PLEKHA5: variants seen among roughly 807,000 people sequenced by gnomAD.
PLEKHA5 encodes the protein pleckstrin homology domain containing A5.
PLEKHA5 carries 55 observed loss-of-function variants against 181.9 expected under a neutral mutation model. The ratio of observed to expected loss-of-function variants is 0.30; its 90% CI spans 0.24 to 0.38. The LOEUF (loss-of-function observed/expected upper bound fraction) is 0.38, where lower values mean the gene tolerates loss of function less well. Ranked by LOEUF, PLEKHA5 falls within the 10% of genes least tolerant of loss-of-function variation. The pLI, the probability that PLEKHA5 is intolerant of heterozygous loss-of-function variation, is 1.00. For synonymous variants in PLEKHA5, 535 were observed against 529.4 expected, an observed-to-expected ratio of 1.01 and a Z score of -0.15; for missense variants, 1,432 against 1,549.5, an observed-to-expected ratio of 0.92 and a Z score of 1.27.
At chr12:19,283,122 G>A (rs192918703) in intron 11 of PLEKHA5, among the ~76,000 whole-genome samples, 158 bp from the exon 12 acceptor site, 49 of 129,106 alleles carry the variant, frequency 3.8e-4, no homozygotes, top group Non-Finnish European at 6.9e-4. Context: ...ACTCCAGCTT[G>A]GGCAACAGAG....
At chr12:19,364,032 A>G (rs546587982) in intron 29 of PLEKHA5, among the ~76,000 whole-genome samples, 1 of 152,352 alleles carries the variant, frequency 6.6e-6, no homozygotes, top group East Asian at 1.9e-4. Flanking sequence ...GTTCATAATG[A>G]TACAACAACA....
At chr12:19,283,781 CT>C in intron 12 of PLEKHA5, 36 bp downstream of exon 12, 1 of 1,269,210 alleles carries the variant, frequency 7.9e-7, no homozygotes, top group Non-Finnish European at 1.1e-6. Context: ...AACTCACTAC[CT>C]TATAAATGCT....
intron 3 of PLEKHA5, among the ~76,000 whole-genome samples, chr12:19,158,831 AG>A (rs2042349774): frequency 1.3e-5 from 2 of 152,212 alleles, no homozygotes; most frequent in Admixed American, 6.5e-5. Flanking sequence ...TTCTTACTGT[AG>A]TAAATTGGGT....
rs957436305 is a variant in PLEKHA5 at position 19,369,693 on chromosome 12, T to C, written c.3755T>C (p.Val1252Ala). 1.3e-6 allele frequency: 2 copies of C among 1,596,360 alleles called. No individual in the cohort carries two copies. The highest frequency in any genetic ancestry group is 2.7e-5 in the African/African-American group (2 of 74,278). ...CTCCCATTTTCTTTGTGTGTTTTAG[T>C]GAAAAGTCTGTCCCCATCTCCTGAG... ...EVSRGNQTMA[V>A]KSLSPSPESS... Residue 1252 changes from valine (V) to alanine (A), a missense_variant and splice_region_variant, in exon 31 of 32, where the codon GTG (valine) becomes GCG (alanine). Around this residue, in one of 2 missense-constraint regions of PLEKHA5, gnomAD observed 1,143 missense variants for 1,168.4 expected, o/e 0.98. Coordinates refer to ENST00000429027, the MANE Select transcript of PLEKHA5 (RefSeq NM_001256470.2).
chr12:19,319,167 C>G (rs2089981786), intron 16 of PLEKHA5, among the ~76,000 whole-genome samples: 2 of 152,054 alleles, frequency 1.3e-5, no homozygotes, highest in South Asian at 4.1e-4. Flanking sequence ...CCTGAGGATA[C>G]TTATTTTGAA....
intron 3 of PLEKHA5, among the ~76,000 whole-genome samples, chr12:19,235,744 CAT>C (rs1327973638): frequency 6.6e-6 from 1 of 152,038 alleles, no homozygotes. Flanking sequence ...TGTGAATAGG[CAT>C]ATGAAGAAAG....
rs543246133 is a variant in PLEKHA5 at position 19,302,547 on chromosome 12, C to G, written c.2037+10850C>G. On this transcript the variant is annotated intron_variant, in intron 15 of 31. Coordinates refer to ENST00000429027, the MANE Select transcript of PLEKHA5 (RefSeq NM_001256470.2). The stretch of plus-strand genomic sequence containing the variant: ...AGTAGCTAGGATTACAGGCGCCCAC[C>G]ACCACACCCAGCTAATTTTGGTATT... Among the ~76,000 whole-genome samples, 17 of 152,224 alleles carry G rather than the reference C, an allele frequency of 1.1e-4. No individual in the cohort carries two copies. The East Asian group carries it at 2.3e-3, about 21-fold the overall frequency.
chr12:19,197,676 C>CTGTG (rs3056412), intron 3 of PLEKHA5, among the ~76,000 whole-genome samples: 1,713 of 111,004 alleles, frequency 0.015, 34 homozygotes, highest in African/African-American at 0.017. Context: ...CTATCCGGTG[C>CTGTG]TGTGTGTGTG....
intron 20 of PLEKHA5, among the ~76,000 whole-genome samples, chr12:19,334,574 C>T (rs1370531348): frequency 6.6e-6 from 1 of 151,850 alleles, no homozygotes. Context: ...AATTTACTCT[C>T]CCTAAAGCCA....
chr12:19,159,606 A>G (rs1412224756), intron 3 of PLEKHA5, among the ~76,000 whole-genome samples: 1 of 152,138 alleles, frequency 6.6e-6, no homozygotes, highest in African/African-American at 2.4e-5. Context: ...ACTTAGTTCC[A>G]AAATAATATT....
chr12:19,360,757 C>T (rs1191183832), intron 28 of PLEKHA5, among the ~76,000 whole-genome samples: 2 of 94,126 alleles, frequency 2.1e-5, no homozygotes, highest in African/African-American at 5.6e-5. Flanking sequence ...TAGCAATATG[C>T]ACCATCTCTT....
intron 16 of PLEKHA5, chr12:19,319,647 G>A (rs545456766): frequency 3.4e-5 from 6 of 178,402 alleles, no homozygotes; most frequent in Non-Finnish European, 7.0e-5. Flanking sequence ...TTTCTACTGT[G>A]TTTTTGTTAT....
At chr12:19,341,665 G>GT (rs994855834) in intron 21 of PLEKHA5, among the ~76,000 whole-genome samples, 4 of 151,818 alleles carry the variant, frequency 2.6e-5, no homozygotes, top group Admixed American at 6.6e-5. Context: ...CTTTTCTTGA[G>GT]TTTTTTCTTT....
At chr12:19,181,787 G>C (rs2048658122) in intron 3 of PLEKHA5, among the ~76,000 whole-genome samples, 1 of 151,952 alleles carries the variant, frequency 6.6e-6, no homozygotes, top group Non-Finnish European at 1.5e-5. Context: ...CTCAAAAAAA[G>C]CCCCTTAGAG....
intron 3 of PLEKHA5, among the ~76,000 whole-genome samples, chr12:19,203,292 T>TA (rs1423147200): frequency 6.6e-6 from 1 of 152,070 alleles, no homozygotes; most frequent in Non-Finnish European, 1.5e-5. Flanking sequence ...GTCTGTCTCT[T>TA]AGAGTTGACT....
intron 13 of PLEKHA5, among the ~76,000 whole-genome samples, chr12:19,287,814 C>T (rs2077535719): frequency 6.6e-6 from 1 of 152,174 alleles, no homozygotes; most frequent in African/African-American, 2.4e-5. Flanking sequence ...CACGGTGGCT[C>T]ATGCCTGTAA....
At chr12:19,364,909 C>G (rs555590332) in intron 29 of PLEKHA5, among the ~76,000 whole-genome samples, 11 of 152,220 alleles carry the variant, frequency 7.2e-5, no homozygotes, top group African/African-American at 1.9e-4. Context: ...ATGATCCTGC[C>G]TTGGCCTCTC....
intron 5 of PLEKHA5, 58 bp from the exon 6 acceptor site, chr12:19,257,374 TA>T: frequency 1.3e-6 from 1 of 754,614 alleles, no homozygotes; most frequent in Non-Finnish European, 2.2e-6. Flanking sequence ...AAGAGGAAGA[TA>T]AGCTCAAATC....
chr12:19,269,734 A>C (rs768111099), intron 8 of PLEKHA5, 36 bp from the exon 9 acceptor site: 1 of 1,101,204 alleles, frequency 9.1e-7, no homozygotes, highest in Non-Finnish European at 1.4e-6. Context: ...AGAATCCTAT[A>C]TTTTTATTTA....
Sources: allele counts gnomAD v4.1 joint callset (sites outside exome capture counted in the v4.1 genomes callset), GRCh38; gene constraint gnomAD v4.1.1; regional missense constraint gnomAD v4.1.1; transcripts MANE v1.5; gene names NCBI Gene and HGNC (gene_info 2026-07-23, HGNC 2026-07-21).